The following KCNQ1 variants were observed in gnomAD, a reference collection of about 807,000 sequenced individuals.
The protein encoded by KCNQ1 is potassium voltage-gated channel subfamily Q member 1, also known as potassium voltage-gated channel subfamily KQT member 1.
A neutral mutation model predicts 72.4 loss-of-function variants in KCNQ1; 49 were observed. The observed-to-expected ratio is 0.68, with a 90% CI of 0.54 to 0.86. KCNQ1 has a LOEUF of 0.86. KCNQ1 is among the 40% of genes least tolerant of loss of function. The probability of loss-of-function intolerance (pLI) is 0.00; values close to 1 mark genes in which losing one functional copy is unlikely to be tolerated. For missense variants in KCNQ1, 790 were observed against 945.1 expected, an observed-to-expected ratio of 0.84 and a Z score of 2.15; for synonymous variants, 450 against 412.6, an observed-to-expected ratio of 1.09 and a Z score of -1.10.
chr11:2,688,138 A>G, intron 11 of KCNQ1: 1 of 398,790 alleles, frequency 2.5e-6, no homozygotes, highest in East Asian at 3.6e-5. Context: ...GCTGAGGTGG[A>G]GAGACCCCAC....
At chr11:2,811,770 G>A (rs1052137679) in intron 15 of KCNQ1, among the ~76,000 whole-genome samples, 5 of 152,220 alleles carry the variant, frequency 3.3e-5, no homozygotes, top group African/African-American at 1.2e-4. Context: ...GCTGAGCAAC[G>A]GTGGCTGGGA....
rs63934 is a variant in KCNQ1, at chr11:2,767,832, A to T, written c.1515-1012A>T. On this transcript the variant is annotated intron_variant, in intron 11 of 15. Transcript: ENST00000155840. This position sits in a 1 kb window ranked among gnomAD's most constrained non-coding sequence, Gnocchi z 4.6. ...GGCTTAGGAATTCACAAGTGTTTCC[A>T]GAGGAAGTTGTGTGAAAGGTGGCTA... Among the ~76,000 whole-genome samples the T allele has an allele frequency of 6.6e-6, 1 of 152,142 alleles. No homozygotes were observed. The highest frequency in any genetic ancestry group is 6.5e-5 in the Admixed American group (1 of 15,274).
In KCNQ1 at chr11:2,550,347, C is replaced by T. The variant is rs1847965170; in HGVS notation, c.478-20281C>T. Among the ~76,000 whole-genome samples the T allele has an allele frequency of 6.6e-6, 1 of 152,200 alleles. No homozygotes were observed. The highest frequency in any genetic ancestry group is 1.5e-5 in the Non-Finnish European group (1 of 68,014). On this transcript the variant is annotated intron_variant, in intron 2 of 15. Coordinates refer to ENST00000155840, the MANE Select transcript of KCNQ1 (RefSeq NM_000218.3). The surrounding 1 kb of genome is among the most constrained non-coding windows in gnomAD (Gnocchi z 6.0). ...TCTGCATCCTTGCCGTCACCCCTCA[C>T]ACCCCCTGCTAGGGTCCCTCTGGGG... is the stretch of plus-strand genomic sequence containing the variant.
At chr11:2,747,063 G>C (rs1590066045) in intron 11 of KCNQ1, among the ~76,000 whole-genome samples, 2 of 152,324 alleles carry the variant, frequency 1.3e-5, no homozygotes, top group Middle Eastern at 6.8e-3. Context: ...TGGGGCTCTG[G>C]CGGGGTCCTG....
Position 2,613,198 on chromosome 11 carries a change from G to A in KCNQ1, c.1393+24344G>A, listed in dbSNP as rs1230230027. On this transcript the variant is annotated intron_variant, in intron 10 of 15. Coordinates refer to ENST00000155840, the MANE Select transcript of KCNQ1 (RefSeq NM_000218.3). This position sits in a 1 kb window ranked among gnomAD's most constrained non-coding sequence, Gnocchi z 4.8. The stretch of plus-strand genomic sequence containing the variant: ...TTCAGGCACTTTATAACTCTGTCCT[G>A]TATTTTACTGTCTGCTTGCAAAAGG... The A allele has an allele frequency of 1.0e-5, 4 of 398,416 alleles. No homozygotes were observed. Among genetic ancestry groups the A allele is most frequent in the Non-Finnish European group, 1.8e-5 (4 of 226,058 alleles). 24.7% of individuals were successfully genotyped at this position (398,416 alleles called of 1,614,324 possible).
chr11:2,785,619 TTAATACATTTATATTTAATA>T lies in KCNQ1; in HGVS notation c.1794+7587_1794+7606del, dbSNP rs1846895504. Among the ~76,000 whole-genome samples the T allele has an allele frequency of 1.3e-5, 2 of 151,290 alleles. No individual in the cohort carries two copies. The highest frequency in any genetic ancestry group is 6.6e-5 in the Admixed American group (1 of 15,192). ...AAAAAATCATTTAATACATTTATAT[TTAATACATTTATATTTAATA>T]TAATTTCTAATAGATTTGGATTGAA... On this transcript the variant is annotated intron_variant, in intron 15 of 15. Transcript: ENST00000155840. The surrounding 1 kb of genome is among the most constrained non-coding windows in gnomAD (Gnocchi z 4.4).
rs1367898373 is a variant in KCNQ1, at chr11:2,455,725, T to C, written c.386+10241T>C. Among the ~76,000 whole-genome samples, 4 of 152,202 alleles carry C rather than the reference T, an allele frequency of 2.6e-5. No individual in the cohort carries two copies. The East Asian group carries it at 7.7e-4, about 29-fold the overall frequency. ...TTAGAAAAAACTATTCTAACATTCA[T>C]GTAGAACCAAAAAAGAGCCGAAATA... On this transcript the variant is annotated intron_variant, in intron 1 of 15. Transcript: ENST00000155840.
intron 11 of KCNQ1, chr11:2,686,666 T>G (rs556364715): frequency 2.5e-6 from 1 of 398,604 alleles, no homozygotes. Context: ...CTGGATCAAG[T>G]GTGGGTCCCA....
rs1006853251 is a variant in KCNQ1 at position 2,848,695 on chromosome 11, G to C, written c.*692G>C. On this transcript the variant is annotated 3_prime_UTR_variant, in exon 16 of 16. Transcript: ENST00000155840. Reference sequence around the variant, plus strand: ...TTAGACTGCCAGCTCTTCCTAGCTGGAGAGGAGCCCTGCCTCTCCGCCCCT... The same window carrying C: ...TTAGACTGCCAGCTCTTCCTAGCTGCAGAGGAGCCCTGCCTCTCCGCCCCT... 2.2e-6 allele frequency: 1 copy of C among 450,656 alleles called. No homozygotes were observed. Among genetic ancestry groups the C allele is most frequent in the African/African-American group, 2.0e-5 (1 of 49,926 alleles). 27.9% of individuals were successfully genotyped at this position (450,656 alleles called of 1,614,324 possible).
intron 11 of KCNQ1, among the ~76,000 whole-genome samples, chr11:2,744,947 C>T (rs1001359918): frequency 5.3e-5 from 8 of 152,002 alleles, no homozygotes; most frequent in South Asian, 4.2e-4. Flanking sequence ...AGTGTGTTCC[C>T]GAGTATACAA....
chr11:2,673,194 A>C lies in KCNQ1; in HGVS notation c.1514+11113A>C, dbSNP rs1488948791. The C allele has an allele frequency of 7.5e-6, 3 of 398,556 alleles. No individual in the cohort carries two copies. Among genetic ancestry groups the C allele is most frequent in the East Asian group, 7.1e-5 (2 of 28,082 alleles). 24.7% of individuals were successfully genotyped at this position (398,556 alleles called of 1,614,324 possible). A position where few individuals can be genotyped will look rare whatever the true frequency, so the allele number is the denominator to read the frequency against. ...AATGGGCCCTGGAGCCAAGGCCAAA[A>C]GCCGAACTGTGACTAGGCAAGCTGA... On this transcript the variant is annotated intron_variant, in intron 11 of 15. Coordinates refer to ENST00000155840, the MANE Select transcript of KCNQ1 (RefSeq NM_000218.3). This position sits in a 1 kb window ranked among gnomAD's most constrained non-coding sequence, Gnocchi z 4.5.
At chr11:2,542,464 T>C (rs1847843579) in intron 2 of KCNQ1, among the ~76,000 whole-genome samples, 1 of 152,268 alleles carries the variant, frequency 6.6e-6, no homozygotes, top group South Asian at 2.1e-4. Flanking sequence ...TTTGTTGAGG[T>C]ATAATTGGCA....
rs757713526 is a variant in KCNQ1, at chr11:2,570,681, C to T, written c.531C>T (p.Ser177=). The part of the protein sequence containing the change: ...FGTEYVVRLW[S]AGCRSKYVGL... Reference sequence around the variant, plus strand: ...CGGAGTACGTGGTCCGCCTCTGGTCCGCCGGCTGCCGCAGCAAGTACGTGG... The same window carrying T: ...CGGAGTACGTGGTCCGCCTCTGGTCTGCCGGCTGCCGCAGCAAGTACGTGG... Residue 177 remains serine, a synonymous_variant, in exon 3 of 16, where the codon TCC becomes TCT. Coordinates refer to ENST00000155840, the MANE Select transcript of KCNQ1 (RefSeq NM_000218.3). The T allele has an allele frequency of 2.9e-5, 47 of 1,612,212 alleles. No homozygotes were observed. The highest frequency in any genetic ancestry group is 2.5e-4 in the South Asian group (23 of 91,086).
chr11:2,504,569 A>G (rs1847070761), intron 1 of KCNQ1, among the ~76,000 whole-genome samples: 1 of 152,170 alleles, frequency 6.6e-6, no homozygotes, highest in South Asian at 2.1e-4. Context: ...CTGCCTGGCC[A>G]ACATGGTGAA....
At chr11:2,680,162 G>T in intron 11 of KCNQ1, 1 of 395,210 alleles carries the variant, frequency 2.5e-6, no homozygotes, top group East Asian at 3.6e-5. Context: ...AAAGTGCTGG[G>T]ATTACGGGCG....
rs1367875268 is a variant in KCNQ1 at position 2,559,980 on chromosome 11, C to A, written c.478-10648C>A. Among the ~76,000 whole-genome samples the A allele has an allele frequency of 5.9e-5, 9 of 151,418 alleles. No individual in the cohort carries two copies. Among genetic ancestry groups the A allele is most frequent in the Non-Finnish European group, 1.0e-4 (7 of 67,882 alleles). On this transcript the variant is annotated intron_variant, in intron 2 of 15. Coordinates refer to ENST00000155840, the MANE Select transcript of KCNQ1 (RefSeq NM_000218.3). The surrounding 1 kb of genome is among the most constrained non-coding windows in gnomAD (Gnocchi z 4.9). ...TTCCAGTGACTTCAGAGAGGGGCAG[C>A]CAGACCAGGAGGAGCTCCAGAGGTG... is the stretch of plus-strand genomic sequence containing the variant.
intron 1 of KCNQ1, among the ~76,000 whole-genome samples, chr11:2,513,176 A>C (rs909417028): frequency 3.3e-5 from 5 of 151,812 alleles, no homozygotes; most frequent in African/African-American, 9.7e-5. Flanking sequence ...GGACTCCCCC[A>C]CCCTCCGACC....
chr11:2,604,808 G>T (rs2133781780), intron 10 of KCNQ1, among the ~76,000 whole-genome samples: 1 of 152,254 alleles, frequency 6.6e-6, no homozygotes, highest in East Asian at 1.9e-4. Flanking sequence ...CTCCCAAAGT[G>T]CTGGGATTAC....
rs1849752298 is a variant in KCNQ1 at position 2,651,256 on chromosome 11, T to A, written c.1394-10705T>A. On this transcript the variant is annotated intron_variant, in intron 10 of 15. Coordinates refer to ENST00000155840, the MANE Select transcript of KCNQ1 (RefSeq NM_000218.3). This position sits in a 1 kb window ranked among gnomAD's most constrained non-coding sequence, Gnocchi z 6.1. ...ACACAGCTTAATTCAGGAATTAAGC[T>A]GTGCTGGTCACTTATTGAGAAAGAG... 2.5e-6 allele frequency: 1 copy of A among 398,572 alleles called. No individual in the cohort carries two copies. Among genetic ancestry groups the A allele is most frequent in the African/African-American group, 2.1e-5 (1 of 48,656 alleles). The allele number at this position is 398,572 out of a possible 1,614,324, so 24.7% of individuals were successfully genotyped here. A position where few individuals can be genotyped will look rare whatever the true frequency, so the allele number is the denominator to read the frequency against.
Sources: allele counts gnomAD v4.1 joint callset (sites outside exome capture counted in the v4.1 genomes callset), GRCh38; gene constraint gnomAD v4.1.1; non-coding constraint Gnocchi (gnomAD v3.1); transcripts MANE v1.5; gene names NCBI Gene and HGNC (gene_info 2026-07-23, HGNC 2026-07-21).